Variants in RBM33 observed in about 807,000 individuals in gnomAD.
RBM33 encodes the protein RNA-binding protein 33.
In RBM33, 28 loss-of-function variants were observed where a neutral mutation model predicts 132.6. The ratio of observed to expected loss-of-function variants is 0.21; its 90% CI spans 0.16 to 0.29. The LOEUF is 0.29. RBM33 is among the 10% of genes least tolerant of loss of function. The pLI, the probability that RBM33 is intolerant of heterozygous loss-of-function variation, is 1.00. For synonymous variants in RBM33, 634 were observed against 593.0 expected (o/e 1.07, Z -1.01); for missense variants, 1,291 against 1,518.5 (o/e 0.85, Z 2.49).
chr7:155,762,685 G>A (rs1380306091), intron 14 of RBM33, among the ~76,000 whole-genome samples: 2 of 152,134 alleles, frequency 1.3e-5, no homozygotes, highest in Non-Finnish European at 1.5e-5. Flanking sequence ...ACAAGATAAC[G>A]TTTGGTAGGA....
intron 1 of RBM33, among the ~76,000 whole-genome samples, chr7:155,646,458 T>A (rs537862312): frequency 6.6e-6 from 1 of 152,332 alleles, no homozygotes; most frequent in African/African-American, 2.4e-5. Context: ...CAAAGTTTCC[T>A]TTGCTCTTCA....
chr7:155,660,661 G>A (rs1480631411), intron 1 of RBM33, among the ~76,000 whole-genome samples: 1 of 152,120 alleles, frequency 6.6e-6, no homozygotes, highest in Non-Finnish European at 1.5e-5. Context: ...GTGCTTTCAA[G>A]GTTTTTTCTG....
chr7:155,706,944 G>A lies in RBM33; in HGVS notation c.824G>A (p.Arg275Gln), dbSNP rs776477409. 11 of 1,605,182 alleles carry A rather than the reference G, an allele frequency of 6.9e-6. No homozygotes were observed. Among genetic ancestry groups the A allele is most frequent in the South Asian group, 1.1e-5 (1 of 88,864 alleles). Residue 275 changes from arginine to glutamine, a missense_variant, in exon 7 of 18, where the codon CGG (arginine) becomes CAG (glutamine). Transcript: ENST00000401878. The stretch of plus-strand genomic sequence containing the variant: ...AAACAAGGACGCTACAGCTCCAGGC[G>A]GGGAGGACGGCGAGGAGGTCCGCTG... ...QHKQGRYSSR[R>Q]GGRRGGPLMC...
intron 5 of RBM33, among the ~76,000 whole-genome samples, chr7:155,698,811 T>C (rs1206303513): frequency 6.6e-6 from 1 of 152,272 alleles, no homozygotes; most frequent in African/African-American, 2.4e-5. Context: ...CTCAGTATAA[T>C]GATGCCTTTA....
At position 155,711,460 on chromosome 7, in the gene RBM33, G is replaced by T. The variant is rs1399826870; in HGVS notation, c.1201+5G>T. 7.1e-7 allele frequency: 1 copy of T among 1,416,592 alleles called. No homozygotes were observed. Among genetic ancestry groups the T allele is most frequent in the Non-Finnish European group, 9.2e-7 (1 of 1,081,610 alleles). 87.8% of individuals were successfully genotyped at this position (1,416,592 alleles called of 1,614,324 possible). On this transcript the variant is annotated splice_donor_5th_base_variant and intron_variant, in intron 8 of 17. Transcript: ENST00000401878. ...CGGTGGTCACGCCTGTTCAAGGTCT[G>T]TGTTTCCTTTTACTATTGTAAAGCA...
chr7:155,690,201 A>G (rs576378660), intron 5 of RBM33, among the ~76,000 whole-genome samples: 1 of 152,268 alleles, frequency 6.6e-6, no homozygotes, highest in East Asian at 1.9e-4. Context: ...TTCTTGTTGA[A>G]TTGATCCCTT....
chr7:155,725,792 A>G (rs1463998371), intron 9 of RBM33, among the ~76,000 whole-genome samples: 1 of 152,156 alleles, frequency 6.6e-6, no homozygotes, highest in African/African-American at 2.4e-5. Flanking sequence ...ACATTATCCT[A>G]ATGTATTTAA....
At chr7:155,737,149 TCAGTA>T (rs1306823067) in intron 9 of RBM33, among the ~76,000 whole-genome samples, 2 of 152,208 alleles carry the variant, frequency 1.3e-5, no homozygotes, top group African/African-American at 4.8e-5. Flanking sequence ...CCTACAGTAT[TCAGTA>T]CAGTAACATG....
At chr7:155,738,960 C>G (rs1233825277) in intron 11 of RBM33, 2 of 154,730 alleles carry the variant, frequency 1.3e-5, no homozygotes, top group Non-Finnish European at 2.9e-5. Context: ...ATCTTTCTTA[C>G]CAAGTGTATA....
rs1321619234 is a variant in RBM33 at position 155,780,546 on chromosome 7, G to A, written c.*5505G>A. On this transcript the variant is annotated 3_prime_UTR_variant, in exon 18 of 18. Transcript: ENST00000401878. ...GGGCTCTCCCTCTCTGTCCATTTCT[G>A]TTTTGCTTTCCTGGCTAAACCCATC... 6.6e-6 allele frequency: 1 copy of A among 152,346 alleles called. No homozygotes were observed. Among genetic ancestry groups the A allele is most frequent in the African/African-American group, 2.4e-5 (1 of 41,428 alleles). 9.4% of individuals were successfully genotyped at this position (152,346 alleles called of 1,614,324 possible).
chr7:155,680,770 A>G lies in RBM33; in HGVS notation c.429A>G (p.Pro143=), dbSNP rs2116923799. 1 of 1,613,766 alleles carries G rather than the reference A, an allele frequency of 6.2e-7. No homozygotes were observed. Among genetic ancestry groups the G allele is most frequent in the Non-Finnish European group, 8.5e-7 (1 of 1,179,768 alleles). Residue 143 remains proline, a synonymous_variant, in exon 5 of 18, where the codon CCA becomes CCG. Transcript: ENST00000401878. ...DGSELYTQEY[P]EEGQYEGHEA... ...CAGAATTGTATACTCAAGAGTACCC[A>G]GAAGAAGGACAGTATGAAGGCCACG...
chr7:155,741,856 A>G lies in RBM33; in HGVS notation c.2087A>G (p.Gln696Arg), dbSNP rs1302098500. ...CAGAATGTAAGCAAGCGGCCCATGC[A>G]GCAAATGCAGCCCACTGCGCCAAGG... is the stretch of plus-strand genomic sequence containing the variant. ...TSQNVSKRPMQQMQPTAPRNS... is the reference protein window; with the variant it reads ...TSQNVSKRPMRQMQPTAPRNS... The change falls in exon 13 of 18, where the codon CAG becomes CGG. Residue 696 changes from glutamine to arginine, a missense_variant. By Grantham distance (43) the Gln-to-Arg change is conservative (BLOSUM62 1). Around this residue, in one of 7 missense-constraint regions of RBM33, gnomAD observed 841 missense variants for 912.0 expected, o/e 0.92. Transcript: ENST00000401878. The G allele has an allele frequency of 1.2e-6, 2 of 1,613,598 alleles. No homozygotes were observed. The highest frequency in any genetic ancestry group is 2.2e-5 in the East Asian group (1 of 44,886).
intron 1 of RBM33, among the ~76,000 whole-genome samples, chr7:155,653,514 G>C (rs930958812): frequency 6.6e-6 from 1 of 152,064 alleles, no homozygotes. Context: ...GTGGGGGCTT[G>C]TCAGAAAAAC....
intron 1 of RBM33, 76 bp downstream of exon 1, chr7:155,644,995 G>A (rs1339750905): frequency 3.5e-6 from 4 of 1,152,494 alleles, no homozygotes; most frequent in East Asian, 3.1e-5. Context: ...GGGCCTCCCC[G>A]CTTAGGAGAG....
At chr7:155,758,558 A>T (rs1290699801) in intron 14 of RBM33, among the ~76,000 whole-genome samples, 1 of 152,174 alleles carries the variant, frequency 6.6e-6, no homozygotes, top group African/African-American at 2.4e-5. Flanking sequence ...CCTGCTGCTC[A>T]CCTCCTGCGG....
At chr7:155,764,512 G>C (rs534316976) in intron 15 of RBM33, among the ~76,000 whole-genome samples, 1 of 152,216 alleles carries the variant, frequency 6.6e-6, no homozygotes, top group African/African-American at 2.4e-5. Context: ...GGATTGGAAG[G>C]AGCTTCTCTG....
intron 16 of RBM33, among the ~76,000 whole-genome samples, chr7:155,772,609 C>T (rs577642872): frequency 6.6e-6 from 1 of 152,284 alleles, no homozygotes; most frequent in African/African-American, 2.4e-5. Flanking sequence ...AACTTAATGA[C>T]AAGTGAAACT....
At chr7:155,760,043 A>C (rs542014420) in intron 14 of RBM33, among the ~76,000 whole-genome samples, 10 of 152,212 alleles carry the variant, frequency 6.6e-5, no homozygotes, top group Non-Finnish European at 1.3e-4. Context: ...GTAACCTAGT[A>C]TTCTGATGCT....
At chr7:155,703,631 C>T (rs1800029797) in intron 6 of RBM33, among the ~76,000 whole-genome samples, 4 of 152,162 alleles carry the variant, frequency 2.6e-5, no homozygotes, top group Admixed American at 2.0e-4. Context: ...TTCTGTCCGT[C>T]AAAAGATTGG....
Sources: gnomAD v4.1 joint callset for allele counts (sites outside exome capture counted in the v4.1 genomes callset) on GRCh38, gnomAD v4.1.1 for gene constraint, gnomAD v4.1.1 regional missense constraint, MANE v1.5 for transcripts, NCBI Gene and HGNC (gene_info 2026-07-23, HGNC 2026-07-21) for gene names.